UTP11: variants seen among roughly 807,000 people sequenced by gnomAD.
UTP11 encodes the protein probable U3 small nucleolar RNA-associated protein 11.
In UTP11, 29 loss-of-function variants were observed where a neutral mutation model predicts 39.0. That is an observed-to-expected ratio of 0.74 (90% CI 0.55 to 1.01). The LOEUF is 1.01. Ranked by LOEUF, UTP11 falls within the 50% of genes least tolerant of loss-of-function variation. The pLI, the probability that UTP11 is intolerant of heterozygous loss-of-function variation, is 0.00. For synonymous variants in UTP11, 111 were observed against 105.0 expected (o/e 1.06, Z -0.35); for missense variants, 281 against 306.0 (o/e 0.92, Z 0.61).
At chr1:38,019,606 C>A (rs190852309) in intron 6 of UTP11, among the ~76,000 whole-genome samples, 1 of 152,226 alleles carries the variant, frequency 6.6e-6, no homozygotes, top group East Asian at 1.9e-4. Flanking sequence ...GCCTCAGCCT[C>A]CCCAGTAACT....
intron 1 of UTP11, among the ~76,000 whole-genome samples, chr1:38,013,188 G>T (rs1646688164): frequency 6.6e-6 from 1 of 152,228 alleles, no homozygotes; most frequent in Admixed American, 6.5e-5. Flanking sequence ...CAGAGCTCAT[G>T]TAGGCAACAA....
At chr1:38,014,501 C>T (rs1360015906) in intron 1 of UTP11, among the ~76,000 whole-genome samples, 1 of 152,220 alleles carries the variant, frequency 6.6e-6, no homozygotes, top group African/African-American at 2.4e-5. Flanking sequence ...ATTGTACATT[C>T]AGGTGGACAT....
chr1:38,017,972 C>G (rs986522401), intron 3 of UTP11, among the ~76,000 whole-genome samples: 1 of 152,112 alleles, frequency 6.6e-6, no homozygotes, highest in African/African-American at 2.4e-5. Flanking sequence ...TGTCTTATAC[C>G]TGGAGCTGTT....
rs1325336161 is a variant in UTP11 at position 38,024,288 on chromosome 1, A to G, written c.*660A>G. 6.6e-6 allele frequency: 1 copy of G among 152,206 alleles called. No homozygotes were observed. Among genetic ancestry groups the G allele is most frequent in the African/African-American group, 2.4e-5 (1 of 41,462 alleles). 9.4% of individuals were successfully genotyped at this position (152,206 alleles called of 1,614,324 possible). A position where few individuals can be genotyped will look rare whatever the true frequency, so the allele number is the denominator to read the frequency against. ...GGAGCTAGAGCTGTGGAGGTGGACA[A>G]TTACTGTGAGTAGTCTAGTTGATTT... is the stretch of plus-strand genomic sequence containing the variant. On this transcript the variant is annotated 3_prime_UTR_variant, in exon 8 of 8. Coordinates refer to ENST00000373014, the MANE Select transcript of UTP11 (RefSeq NM_016037.4).
chr1:38,017,701 T>A lies in UTP11; in HGVS notation c.159T>A (p.Ala53=). ...GTAAAAAACAAGAATACCTCAAAGC[T>A]CTTCGGAAGAAGGCTCTTGAAAAAA... ...DYRKKQEYLK[A]LRKKALEKNP... The change falls in exon 3 of 8, where the codon GCT becomes GCA. Residue 53 remains alanine (A), a synonymous_variant. Transcript: ENST00000373014. The A allele has an allele frequency of 6.2e-7, 1 of 1,607,982 alleles. No individual in the cohort carries two copies. Among genetic ancestry groups the A allele is most frequent in the Non-Finnish European group, 8.5e-7 (1 of 1,177,298 alleles).
At chr1:38,016,477 C>A in intron 2 of UTP11, 57 bp downstream of exon 2, 1 of 1,575,844 alleles carries the variant, frequency 6.3e-7, no homozygotes, top group Non-Finnish European at 8.7e-7. Flanking sequence ...CCTCCTTGCA[C>A]TGCAGCTGAA....
chr1:38,018,396 C>T, intron 3 of UTP11, 68 bp from the exon 4 acceptor site: 2 of 1,205,084 alleles, frequency 1.7e-6, no homozygotes, highest in Non-Finnish European at 2.4e-6. Flanking sequence ...TCTAGCCGTG[C>T]ACTGTGCCAA....
At chr1:38,013,643 T>C (rs1388147514) in intron 1 of UTP11, among the ~76,000 whole-genome samples, 3 of 152,078 alleles carry the variant, frequency 2.0e-5, no homozygotes, top group Non-Finnish European at 4.4e-5. Context: ...GGGGAAAGAG[T>C]TGTGCAGCTG....
At chr1:38,015,809 C>T (rs1240590081) in intron 1 of UTP11, among the ~76,000 whole-genome samples, 1 of 152,148 alleles carries the variant, frequency 6.6e-6, no homozygotes, top group African/African-American at 2.4e-5. Context: ...CAGGCATTAC[C>T]ATTAATAGAA....
chr1:38,012,745 C>A lies in UTP11; in HGVS notation c.-58C>A. 1 of 1,607,620 alleles carries A rather than the reference C, an allele frequency of 6.2e-7. No homozygotes were observed. The highest frequency in any genetic ancestry group is 8.5e-7 in the Non-Finnish European group (1 of 1,174,220). ...TTCCGGTAGGAATCAGTGGACTTGG[C>A]GGCAGAGGCAGTGCGGATCCGGCGT... On this transcript the variant is annotated 5_prime_UTR_variant, in exon 1 of 8. Transcript: ENST00000373014.
chr1:38,022,333 C>T (rs1053087364), intron 6 of UTP11, among the ~76,000 whole-genome samples: 6 of 151,986 alleles, frequency 3.9e-5, no homozygotes, highest in East Asian at 1.9e-4. Flanking sequence ...TTGTAAATGA[C>T]GGGTTTCGAT....
chr1:38,014,703 C>T (rs543146386), intron 1 of UTP11, among the ~76,000 whole-genome samples: 3 of 151,992 alleles, frequency 2.0e-5, no homozygotes, highest in African/African-American at 7.2e-5. Context: ...GTGGGGCAAT[C>T]ACGGCTCACT....
At position 38,019,398 on chromosome 1, in the gene UTP11, T is replaced by C. The variant is rs201985740; in HGVS notation, c.567+15T>C. On this transcript the variant is annotated intron_variant, in intron 6 of 7. Transcript: ENST00000373014. ...CTGGACTTAAGGTAATTTTCTCTGT[T>C]GTTCTTCACATGTGAGCTTAGGGGA... 1 of 1,608,824 alleles carries C rather than the reference T, an allele frequency of 6.2e-7. No homozygotes were observed. The highest frequency in any genetic ancestry group is 1.1e-5 in the South Asian group (1 of 90,280).
intron 3 of UTP11, among the ~76,000 whole-genome samples, 176 bp downstream of exon 3, chr1:38,017,946 A>T (rs184854820): frequency 1.3e-5 from 2 of 152,216 alleles, no homozygotes; most frequent in East Asian, 3.9e-4. Context: ...GTGCATTTTT[A>T]CCTTTGAATC....
intron 1 of UTP11, 120 bp downstream of exon 1, chr1:38,012,985 G>C (rs193033911): frequency 8.3e-7 from 1 of 1,198,060 alleles, no homozygotes; most frequent in Admixed American, 2.0e-5. Flanking sequence ...GCACGTAAAT[G>C]TATGTTAATG....
chr1:38,023,640 T>C lies in UTP11; in HGVS notation c.*12T>C. On this transcript the variant is annotated 3_prime_UTR_variant, in exon 8 of 8. Transcript: ENST00000373014. ...GTCGAAAACGTTGACGTGTTATAGATAAGCCTTGTCATTCTGTATCAAAAA... is the reference window on the plus strand; with the variant it reads ...GTCGAAAACGTTGACGTGTTATAGACAAGCCTTGTCATTCTGTATCAAAAA... 1 of 1,601,032 alleles carries C rather than the reference T, an allele frequency of 6.2e-7. No individual in the cohort carries two copies. Among genetic ancestry groups the C allele is most frequent in the South Asian group, 1.1e-5 (1 of 87,740 alleles).
intron 1 of UTP11, 46 bp from the exon 2 acceptor site, chr1:38,016,313 T>G: frequency 1.3e-6 from 2 of 1,595,676 alleles, no homozygotes; most frequent in Non-Finnish European, 1.7e-6. Flanking sequence ...TGGATATGTG[T>G]TTGCGGAGGA....
chr1:38,018,508 A>G lies in UTP11; in HGVS notation c.273A>G (p.Pro91=). ...IIKETKEEVT[P]EQLKLMRTQD... The stretch of plus-strand genomic sequence containing the variant: ...AGGAGACTAAGGAAGAAGTAACCCC[A>G]GAACAACTAAAGCTGATGAGAACTC... The change falls in exon 4 of 8, where the codon CCA becomes CCG. Residue 91 remains proline (P), a synonymous_variant. Coordinates refer to ENST00000373014, the MANE Select transcript of UTP11 (RefSeq NM_016037.4). The G allele has an allele frequency of 6.2e-7, 1 of 1,614,002 alleles. No homozygotes were observed. Among genetic ancestry groups the G allele is most frequent in the Non-Finnish European group, 8.5e-7 (1 of 1,179,936 alleles).
rs1646719148 is a variant in UTP11 at position 38,018,572 on chromosome 1, G to A, written c.337G>A (p.Ala113Thr). ...TATAGAAATGAAGAGGGTTGCAGAA[G>A]CTAAGGTAATTCACTCTTTGTTCTG... ...KYIEMKRVAE[A>T]KKIERLKSEL... is the part of the protein sequence containing the mutation. Residue 113 changes from alanine (A) to threonine (T), a missense_variant, in exon 4 of 8, where the codon GCT (alanine) becomes ACT (threonine). Transcript: ENST00000373014. 1.2e-6 allele frequency: 2 copies of A among 1,608,880 alleles called. No individual in the cohort carries two copies. The highest frequency in any genetic ancestry group is 2.2e-5 in the South Asian group (2 of 90,278).
Sources: allele counts gnomAD v4.1 joint callset (sites outside exome capture counted in the v4.1 genomes callset), GRCh38; gene constraint gnomAD v4.1.1; transcripts MANE v1.5; gene names NCBI Gene and HGNC (gene_info 2026-07-23, HGNC 2026-07-21).